The following DLGAP1 variants were observed in gnomAD, a reference collection of about 807,000 sequenced individuals.
DLGAP1 encodes disks large-associated protein 1.
A neutral mutation model predicts 90.8 loss-of-function variants in DLGAP1; 11 were observed. The ratio of observed to expected loss-of-function variants is 0.12; its 90% CI spans 0.08 to 0.20. The LOEUF (loss-of-function observed/expected upper bound fraction) is 0.20, where lower values mean the gene tolerates loss of function less well. Among genes scored for constraint, DLGAP1 ranks in the 10% least tolerant of loss-of-function variants. The probability of loss-of-function intolerance (pLI) is 1.00; values close to 1 mark genes in which losing one functional copy is unlikely to be tolerated. For missense variants in DLGAP1, 1,050 were observed against 1,333.8 expected, an observed-to-expected ratio of 0.79 and a Z score of 3.31; for synonymous variants, 558 against 540.7, an observed-to-expected ratio of 1.03 and a Z score of -0.44.
intron 5 of DLGAP1, among the ~76,000 whole-genome samples, chr18:3,793,136 CCT>C (rs1033292466): frequency 1.3e-5 from 2 of 152,150 alleles, no homozygotes; most frequent in Non-Finnish European, 2.9e-5. Context: ...AATTGCTTGC[CCT>C]CTCTCTCTGA....
At chr18:4,427,512 G>C (rs929928258) in intron 1 of DLGAP1, among the ~76,000 whole-genome samples, 2 of 152,122 alleles carry the variant, frequency 1.3e-5, no homozygotes, top group Admixed American at 1.3e-4. Flanking sequence ...GTTCTTCAGG[G>C]AGGTTTTGTA....
intron 1 of DLGAP1, among the ~76,000 whole-genome samples, chr18:4,253,807 C>A (rs1252661870): frequency 1.3e-5 from 2 of 152,102 alleles, no homozygotes; most frequent in Non-Finnish European, 2.9e-5. Context: ...TAAATACTTA[C>A]CCAATCCCTG....
intron 1 of DLGAP1, chr18:4,280,608 GTTTGTAATGAT>G (rs948334389): frequency 2.0e-5 from 3 of 152,106 alleles, no homozygotes; most frequent in African/African-American, 4.8e-5. Context: ...CCTCACACTT[GTTTGTAATGAT>G]TTCTGAACAG....
At chr18:4,132,630 A>T (rs2076334013) in intron 2 of DLGAP1, among the ~76,000 whole-genome samples, 1 of 152,194 alleles carries the variant, frequency 6.6e-6, no homozygotes, top group Non-Finnish European at 1.5e-5. Context: ...GCATCATATC[A>T]TCCTACAAAA....
chr18:3,903,718 G>C (rs2071834861), intron 3 of DLGAP1, among the ~76,000 whole-genome samples: 1 of 152,152 alleles, frequency 6.6e-6, no homozygotes, highest in East Asian at 1.9e-4. Flanking sequence ...GAGTTTGTTA[G>C]GTTGACCATT....
intron 7 of DLGAP1, among the ~76,000 whole-genome samples, chr18:3,583,902 C>G (rs1255085506): frequency 6.6e-6 from 1 of 152,032 alleles, no homozygotes; most frequent in East Asian, 1.9e-4. Flanking sequence ...GAGCTGAGAT[C>G]GTGCCACTGC....
rs536732734 is a variant in DLGAP1 at position 4,436,309 on chromosome 18, T to G, written c.-267+18697A>C. On this transcript the variant is annotated intron_variant, in intron 1 of 12. Transcript: ENST00000315677. ...AAGTGCCTGTCTGGAGACAGGAACC[T>G]AAAAGCCAGTGGTTCTGAAACTTTA... is the stretch of plus-strand genomic sequence containing the variant. Among the ~76,000 whole-genome samples the G allele has an allele frequency of 1.6e-4, 24 of 152,254 alleles. 1 individual carries two copies. The highest frequency in any genetic ancestry group is 5.8e-4 in the African/African-American group (24 of 41,552).
At chr18:4,150,245 A>G (rs900260069) in intron 2 of DLGAP1, among the ~76,000 whole-genome samples, 1 of 152,160 alleles carries the variant, frequency 6.6e-6, no homozygotes, top group Non-Finnish European at 1.5e-5. Flanking sequence ...AGCAATATGA[A>G]TCTCCTTCTG....
chr18:3,728,659 A>C (rs946807863), intron 7 of DLGAP1, among the ~76,000 whole-genome samples: 3 of 152,086 alleles, frequency 2.0e-5, no homozygotes, highest in African/African-American at 4.8e-5. Context: ...GTTTCTTCTT[A>C]TTTTCTCACA....
intron 7 of DLGAP1, 124 bp from the exon 8 acceptor site, chr18:3,582,372 A>G: frequency 6.9e-7 from 1 of 1,438,904 alleles, no homozygotes; most frequent in Non-Finnish European, 9.3e-7. Context: ...CAGGAAAACA[A>G]GTTCCATTGA....
intron 3 of DLGAP1, among the ~76,000 whole-genome samples, chr18:3,971,571 G>C (rs1302528397): frequency 2.6e-5 from 4 of 152,118 alleles, no homozygotes; most frequent in Non-Finnish European, 2.9e-5. Context: ...TAATTGACTG[G>C]TATGATGCAC....
chr18:3,648,222 A>G (rs2059186062), intron 7 of DLGAP1, among the ~76,000 whole-genome samples: 3 of 152,218 alleles, frequency 2.0e-5, no homozygotes, highest in African/African-American at 4.8e-5. Flanking sequence ...CATTTTGTTG[A>G]AACATTGCTA....
intron 1 of DLGAP1, among the ~76,000 whole-genome samples, chr18:4,435,617 C>T (rs1036313060): frequency 2.0e-5 from 3 of 152,184 alleles, no homozygotes; most frequent in Non-Finnish European, 4.4e-5. Flanking sequence ...CATGATTTAG[C>T]TGCATCCATA....
At chr18:4,136,447 T>C (rs998184894) in intron 2 of DLGAP1, among the ~76,000 whole-genome samples, 3 of 152,330 alleles carry the variant, frequency 2.0e-5, no homozygotes, top group South Asian at 2.1e-4. Context: ...TAGGGTAAGA[T>C]GGTATCTCAT....
chr18:4,227,639 T>A (rs994208232), intron 1 of DLGAP1, among the ~76,000 whole-genome samples: 4 of 151,768 alleles, frequency 2.6e-5, no homozygotes, highest in African/African-American at 4.8e-5. Context: ...TTAAAAAATT[T>A]CTTGAAACAA....
intron 7 of DLGAP1, among the ~76,000 whole-genome samples, chr18:3,651,681 C>G (rs1401218227): frequency 6.6e-6 from 1 of 150,520 alleles, no homozygotes; most frequent in Non-Finnish European, 1.5e-5. Context: ...GTAATCCCAG[C>G]ACTTTGGGAG....
At chr18:4,204,986 A>T (rs2077692248) in intron 1 of DLGAP1, among the ~76,000 whole-genome samples, 2 of 152,122 alleles carry the variant, frequency 1.3e-5, no homozygotes, top group Non-Finnish European at 2.9e-5. Flanking sequence ...TAATTTTGAA[A>T]TCTGCTTTCT....
intron 1 of DLGAP1, among the ~76,000 whole-genome samples, chr18:4,414,695 C>G (rs1264576640): frequency 6.8e-6 from 1 of 146,954 alleles, no homozygotes; most frequent in Non-Finnish European, 1.5e-5. Flanking sequence ...CACTGCACTC[C>G]AGCCTGGGCA....
At chr18:4,222,260 C>T (rs1348295960) in intron 1 of DLGAP1, among the ~76,000 whole-genome samples, 1 of 152,092 alleles carries the variant, frequency 6.6e-6, no homozygotes, top group Non-Finnish European at 1.5e-5. Flanking sequence ...TTCAATATGC[C>T]CCAAACATAA....
Sources: allele counts gnomAD v4.1 joint callset (sites outside exome capture counted in the v4.1 genomes callset), GRCh38; gene constraint gnomAD v4.1.1; transcripts MANE v1.5; gene names NCBI Gene and HGNC (gene_info 2026-07-23, HGNC 2026-07-21).